The following SPMIP7 variants were observed in gnomAD, a reference collection of about 807,000 sequenced individuals.
SPMIP7 encodes protein SPMIP7.
chr7:50,125,605 T>C, the SPMIP7 span, among the ~76,000 whole-genome samples: 3 of 151,148 alleles, frequency 2.0e-5, no homozygotes, highest in African/African-American at 7.3e-5. Flanking sequence ...TGTGTGTGTG[T>C]GTGTGTGTGT....
At chr7:50,141,513 C>T in the SPMIP7 span, 3 of 639,458 alleles carry the variant, frequency 4.7e-6, no homozygotes, top group Non-Finnish European at 8.3e-6. Context: ...AAGAAAGATA[C>T]CTGCTTCCTA....
chr7:50,107,369 AAAAAAAAAAAAAAAAAG>A, the SPMIP7 span, among the ~76,000 whole-genome samples: 7 of 76,432 alleles, frequency 9.2e-5, 1 homozygote, highest in East Asian at 1.7e-3. Flanking sequence ...TCTCAAAAAA[AAAAAAAAAAAAAAAAAG>A]AAAAGAAAAG....
chr7:50,109,922 T>G, the SPMIP7 span, among the ~76,000 whole-genome samples: 1 of 152,162 alleles, frequency 6.6e-6, no homozygotes, highest in Non-Finnish European at 1.5e-5. Flanking sequence ...TTCTCAAATT[T>G]AGAACACTAT....
chr7:50,125,115 T>TATATATATATATATATATACACACAC, the SPMIP7 span, among the ~76,000 whole-genome samples: 1 of 25,416 alleles, frequency 3.9e-5, no homozygotes, highest in Admixed American at 5.0e-4. Flanking sequence ...TATATATATA[T>TATATATATATATATATATACACACAC]ACACACACAC....
At chr7:50,101,093 C>A in the SPMIP7 span, among the ~76,000 whole-genome samples, 1 of 152,158 alleles carries the variant, frequency 6.6e-6, no homozygotes, top group African/African-American at 2.4e-5. Context: ...CTCAGCAATT[C>A]ACCCTGTTCC....
At chr7:50,140,223 A>C in the SPMIP7 span, 2 of 1,337,168 alleles carry the variant, frequency 1.5e-6, no homozygotes, top group Non-Finnish European at 2.0e-6. Flanking sequence ...TTTTAGATTT[A>C]TATTTTGGTT....
chr7:50,143,846 C>T, the SPMIP7 span, among the ~76,000 whole-genome samples: 5 of 152,342 alleles, frequency 3.3e-5, no homozygotes, highest in Admixed American at 2.6e-4. Context: ...GCTATGATCA[C>T]ACTACACAGA....
chr7:50,154,694 T>C, the SPMIP7 span, among the ~76,000 whole-genome samples: 1 of 152,232 alleles, frequency 6.6e-6, no homozygotes, highest in Non-Finnish European at 1.5e-5. Flanking sequence ...TGCAGATATC[T>C]TTATGAGGTG....
the SPMIP7 span, among the ~76,000 whole-genome samples, chr7:50,103,494 T>C: frequency 6.6e-6 from 1 of 152,206 alleles, no homozygotes; most frequent in African/African-American, 2.4e-5. Context: ...GCTTATCTTC[T>C]ACCATTTCCT....
the SPMIP7 span, among the ~76,000 whole-genome samples, chr7:50,107,243 C>T: frequency 4.7e-3 from 715 of 151,110 alleles, 4 homozygotes; most frequent in African/African-American, 0.017. Context: ...GTAGTCCCAG[C>T]TACTTGGGAG....
At chr7:50,121,833 TTC>T in the SPMIP7 span, among the ~76,000 whole-genome samples, 2 of 113,014 alleles carry the variant, frequency 1.8e-5, no homozygotes, top group East Asian at 4.2e-4. Flanking sequence ...TTTGTTTTTT[TTC>T]TTGTAGAGAT....
chr7:50,125,117 C>CATATAT, the SPMIP7 span, among the ~76,000 whole-genome samples: 1 of 44,366 alleles, frequency 2.3e-5, no homozygotes, highest in Non-Finnish European at 4.2e-5. Context: ...TATATATATA[C>CATATAT]ACACACACAC....
At chr7:50,123,292 T>C in the SPMIP7 span, among the ~76,000 whole-genome samples, 66 of 133,062 alleles carry the variant, frequency 5.0e-4, no homozygotes, top group South Asian at 5.3e-3. Context: ...TTGGAAATCA[T>C]CATTCTCAGT....
the SPMIP7 span, chr7:50,121,473 C>G: frequency 6.6e-6 from 1 of 152,172 alleles, no homozygotes; most frequent in Admixed American, 6.5e-5. Flanking sequence ...AAGGCAAACA[C>G]AGAACTGTAA....
the SPMIP7 span, among the ~76,000 whole-genome samples, chr7:50,115,423 A>G: frequency 3.3e-5 from 5 of 152,178 alleles, no homozygotes; most frequent in Non-Finnish European, 7.4e-5. Context: ...GGGATATGGA[A>G]CATATGAAAA....
chr7:50,120,088 T>C, the SPMIP7 span: 1 of 152,346 alleles, frequency 6.6e-6, no homozygotes, highest in South Asian at 2.1e-4. Flanking sequence ...TGCTTGCTGG[T>C]TCATATCTTG....
the SPMIP7 span, among the ~76,000 whole-genome samples, chr7:50,145,856 A>G: frequency 6.6e-6 from 1 of 151,308 alleles, no homozygotes; most frequent in Non-Finnish European, 1.5e-5. Flanking sequence ...GCAGCTGCCT[A>G]TGAGGTACCA....
chr7:50,156,681 C>T, the SPMIP7 span, among the ~76,000 whole-genome samples: 1 of 151,788 alleles, frequency 6.6e-6, no homozygotes, highest in Non-Finnish European at 1.5e-5. Flanking sequence ...TCCCTTTTCC[C>T]CCAGGAAGAC....
At chr7:50,152,682 T>TTATTTATTTATA in the SPMIP7 span, among the ~76,000 whole-genome samples, 1 of 150,576 alleles carries the variant, frequency 6.6e-6, no homozygotes, top group Non-Finnish European at 1.5e-5. Flanking sequence ...ATTTATTTAT[T>TTATTTATTTATA]TATTTATTTA....
Sources: allele counts gnomAD v4.1 joint callset (sites outside exome capture counted in the v4.1 genomes callset), GRCh38; gene constraint gnomAD v4.1.1; transcripts MANE v1.5; gene names NCBI Gene and HGNC (gene_info 2026-07-23, HGNC 2026-07-21).